NPSR1: variants seen among roughly 807,000 people sequenced by gnomAD.
The protein encoded by NPSR1 is neuropeptide S receptor.
A neutral mutation model predicts 46.9 loss-of-function variants in NPSR1; 48 were observed. The ratio of observed to expected loss-of-function variants is 1.02; its 90% CI spans 0.81 to 1.30. The LOEUF is 1.30. Among genes scored for constraint, NPSR1 ranks in the 50% most tolerant of loss-of-function variants. The pLI is 0.00. For missense variants in NPSR1, 450 were observed against 449.5 expected (o/e 1.00, Z -0.01); for synonymous variants, 176 against 168.1 (o/e 1.05, Z -0.36).
At chr7:34,700,612 A>G (rs751125696) in intron 2 of NPSR1, among the ~76,000 whole-genome samples, 1 of 152,190 alleles carries the variant, frequency 6.6e-6, no homozygotes, top group Non-Finnish European at 1.5e-5. Context: ...CTATAAAATA[A>G]TATACTAAAT....
intron 3 of NPSR1, among the ~76,000 whole-genome samples, chr7:34,799,658 C>T (rs914980384): frequency 4.1e-5 from 6 of 147,448 alleles, no homozygotes; most frequent in Non-Finnish European, 7.4e-5. Context: ...ACTGCATCAA[C>T]TAACGAGCAA....
chr7:34,693,267 A>C lies in NPSR1; in HGVS notation c.280+8583A>C, dbSNP rs371066164. On this transcript the variant is annotated intron_variant, in intron 2 of 8. Coordinates refer to ENST00000360581, the MANE Select transcript of NPSR1 (RefSeq NM_207172.2). ...TTTTCTTTATAAATTACCCAGTCTC[A>C]GTTACTTCTTTATAGCCTTGTGAGA... Among the ~76,000 whole-genome samples the C allele has an allele frequency of 2.0e-3, 297 of 152,276 alleles. 1 individual carries two copies. The highest frequency in any genetic ancestry group is 6.7e-3 in the African/African-American group (279 of 41,562).
At chr7:34,871,537 A>G (rs1040936757) in intron 8 of NPSR1, 1 of 151,824 alleles carries the variant, frequency 6.6e-6, no homozygotes, top group African/African-American at 2.4e-5. Context: ...TCTTTCCAGC[A>G]TCAAGTCCAA....
chr7:34,726,038 CTG>C (rs1316522744), intron 2 of NPSR1, among the ~76,000 whole-genome samples: 1 of 152,198 alleles, frequency 6.6e-6, no homozygotes, highest in Non-Finnish European at 1.5e-5. Flanking sequence ...ATATGTGGAG[CTG>C]TGAGTCAGTT....
chr7:34,748,907 A>G (rs1171458627), intron 2 of NPSR1, among the ~76,000 whole-genome samples: 3 of 152,128 alleles, frequency 2.0e-5, no homozygotes, highest in Non-Finnish European at 4.4e-5. Flanking sequence ...GACCAATGGA[A>G]CTGAGGATCT....
In NPSR1 at chr7:34,828,515, A is replaced by G. The variant is rs116682894; in HGVS notation, c.680+913A>G. On this transcript the variant is annotated intron_variant, in intron 5 of 8. Transcript: ENST00000360581. ...TCTGAAATGGGCTCTGCATGTGTAG[A>G]TGGGGTGGGAGACTACAGGAAGAGA... Among the ~76,000 whole-genome samples, 443 of 152,300 alleles carry G rather than the reference A, an allele frequency of 2.9e-3. 2 individuals carry two copies. The highest frequency in any genetic ancestry group is 0.01 in the African/African-American group (425 of 41,564).
Position 34,848,616 on chromosome 7 carries a change from C to T in NPSR1, c.978C>T (p.Asn326=), listed in dbSNP as rs139125527. 4.0e-4 allele frequency: 653 copies of T among 1,614,168 alleles called. 1 individual carries two copies. Among genetic ancestry groups the T allele is most frequent in the Middle Eastern group, 2.6e-3 (16 of 6,060 alleles). ...QNLPALNSAI[N]PLIYCVFSSS... ...TGCCAGCATTGAATAGTGCCATCAA[C>T]CCCCTCATCTACTGTGTCTTCAGCA... Residue 326 remains asparagine (N), a synonymous_variant, in exon 8 of 9, where the codon AAC becomes AAT. Transcript: ENST00000360581.
chr7:34,727,096 TG>T (rs1443587446), intron 2 of NPSR1, among the ~76,000 whole-genome samples: 1 of 151,562 alleles, frequency 6.6e-6, no homozygotes. Context: ...GAGCAGGGAG[TG>T]GGGGTTGTGC....
chr7:34,772,141 A>C (rs1786714735), intron 2 of NPSR1, among the ~76,000 whole-genome samples: 1 of 152,192 alleles, frequency 6.6e-6, no homozygotes, highest in South Asian at 2.1e-4. Context: ...CAATTCATTC[A>C]AGCATGTTCT....
intron 3 of NPSR1, among the ~76,000 whole-genome samples, chr7:34,791,013 A>ATG (rs1787794405): frequency 1.7e-5 from 2 of 120,710 alleles, no homozygotes; most frequent in Non-Finnish European, 3.1e-5. Flanking sequence ...TATATGTTAT[A>ATG]TTATATATGT....
At chr7:34,710,989 T>C in intron 2 of NPSR1, 1 of 359,758 alleles carries the variant, frequency 2.8e-6, no homozygotes, top group Non-Finnish European at 5.4e-6. Context: ...CAAGAAAAGC[T>C]GACCACTTCT....
At chr7:34,854,599 T>C (rs1371644302), downstream of NPSR1, among the ~76,000 whole-genome samples, 6 of 152,204 alleles carry the variant, frequency 3.9e-5, no homozygotes, top group Admixed American at 6.5e-5. Flanking sequence ...AGATTTTAGT[T>C]TAATAAGATG....
chr7:34,775,468 T>C (rs1480207516), intron 2 of NPSR1, among the ~76,000 whole-genome samples: 2 of 152,206 alleles, frequency 1.3e-5, no homozygotes, highest in Non-Finnish European at 2.9e-5. Context: ...CATCAGTTCC[T>C]GAACTTTTCT....
chr7:34,842,207 G>A lies in NPSR1; in HGVS notation c.758-2689G>A, dbSNP rs532097943. ...GTTCTACACCTCAATTTTTAAATGG[G>A]AGAACTGAAGCCGGGAACTTTAGAC... On this transcript the variant is annotated intron_variant, in intron 6 of 8. Coordinates refer to ENST00000360581, the MANE Select transcript of NPSR1 (RefSeq NM_207172.2). Among the ~76,000 whole-genome samples, 7 of 152,304 alleles carry A rather than the reference G, an allele frequency of 4.6e-5. No individual in the cohort carries two copies. The South Asian group carries it at 1.5e-3, about 32-fold the overall frequency.
intron 2 of NPSR1, among the ~76,000 whole-genome samples, chr7:34,705,292 T>C (rs1209168993): frequency 6.6e-6 from 1 of 151,946 alleles, no homozygotes; most frequent in Non-Finnish European, 1.5e-5. Context: ...TTGGGCATGA[T>C]GGTGCACGCC....
chr7:34,750,632 T>C, intron 2 of NPSR1: 1 of 687,650 alleles, frequency 1.5e-6, no homozygotes. Context: ...GCCCTCAGGC[T>C]TGGCCCCATG....
rs147158397 is a variant in NPSR1 at position 34,675,992 on chromosome 7, G to A, written c.148-8560G>A. On this transcript the variant is annotated intron_variant, in intron 1 of 8. Transcript: ENST00000360581. ...AACTATATTCTGCAATAGTTTGGGG[G>A]TTGTGTTGGGACACCATCAGCACAG... Among the ~76,000 whole-genome samples the A allele has an allele frequency of 3.3e-5, 5 of 152,284 alleles. No individual in the cohort carries two copies. In the East Asian group the frequency reaches 9.7e-4, roughly 29 times the overall value.
rs531781355 is a variant in NPSR1, at chr7:34,833,649, C to T, written c.681-735C>T. 2.0e-5 allele frequency among the ~76,000 whole-genome samples: 3 copies of T among 152,310 alleles called. No individual in the cohort carries two copies. The South Asian group carries it at 6.2e-4, about 32-fold the overall frequency. On this transcript the variant is annotated intron_variant, in intron 5 of 8. Coordinates refer to ENST00000360581, the MANE Select transcript of NPSR1 (RefSeq NM_207172.2). ...AAATCAAGATACATTTGTTATCTCA[C>T]AGTTTCTGTGGGTCAAGAATTTGGC...
intron 7 of NPSR1, chr7:34,845,656 C>T: frequency 4.4e-6 from 2 of 453,760 alleles, no homozygotes; most frequent in East Asian, 7.0e-5. Flanking sequence ...GGTTCTACCT[C>T]ACACTACAGG....
Sources: gnomAD v4.1 joint callset for allele counts (sites outside exome capture counted in the v4.1 genomes callset) on GRCh38, gnomAD v4.1.1 for gene constraint, MANE v1.5 for transcripts, NCBI Gene and HGNC (gene_info 2026-07-23, HGNC 2026-07-21) for gene names.